C1orf74: variants seen among roughly 807,000 people sequenced by gnomAD.
C1orf74 encodes chromosome 1 open reading frame 74.
Under a neutral mutation model 7.3 loss-of-function variants are expected in C1orf74, and 5 were observed. That is an observed-to-expected ratio of 0.68 (90% CI 0.36 to 1.44). The LOEUF (loss-of-function observed/expected upper bound fraction) is 1.44, where lower values mean the gene tolerates loss of function less well. Among genes scored for constraint, C1orf74 ranks in the 40% most tolerant of loss-of-function variants. C1orf74 has a pLI of 0.04. For missense variants in C1orf74, 291 were observed against 314.3 expected (o/e 0.93, Z 0.56); for synonymous variants, 121 against 132.5 (o/e 0.91, Z 0.59).
rs745833295 is a variant in C1orf74 at position 209,780,455 on chromosome 1, T to C, written c.*2370A>G. On this transcript the variant is annotated 3_prime_UTR_variant, in exon 2 of 2. Transcript: ENST00000294811. ...GTGGGCCTCACTGTCACCAAGAATC[T>C]GGCTGCTTTTTTAGATCAGGCTTTG... The C allele has an allele frequency of 7.1e-6, 11 of 1,543,506 alleles. No individual in the cohort carries two copies. The South Asian group carries it at 1.3e-4, about 18-fold the overall frequency.
In C1orf74 at chr1:209,784,378, G is replaced by C. The variant is rs920895282; in HGVS notation, c.-76C>G. ...TGAGGCATAAGTCTGTCTCACATAC[G>C]TTCTTTTTCCACGTCCGCTACAGGT... On this transcript the variant is annotated splice_region_variant and 5_prime_UTR_variant, in exon 1 of 2. Transcript: ENST00000294811. The C allele has an allele frequency of 6.6e-6, 1 of 152,226 alleles. No individual in the cohort carries two copies. Among genetic ancestry groups the C allele is most frequent in the South Asian group, 2.1e-4 (1 of 4,836 alleles). 9.4% of individuals were successfully genotyped at this position (152,226 alleles called of 1,614,324 possible).
In C1orf74 at chr1:209,780,560, A is replaced by G. The variant is rs769129636; in HGVS notation, c.*2265T>C. The G allele has an allele frequency of 6.2e-7, 1 of 1,600,758 alleles. No homozygotes were observed. The highest frequency in any genetic ancestry group is 8.5e-7 in the Non-Finnish European group (1 of 1,172,914). On this transcript the variant is annotated 3_prime_UTR_variant, in exon 2 of 2. Coordinates refer to ENST00000294811, the MANE Select transcript of C1orf74 (RefSeq NM_152485.4). ...AAGGAGAAAGACTGGGATCTCAGAG[A>G]CCAGCTGCAAAAGAAGACTTTGCAG...
Position 209,782,053 on chromosome 1 carries a change from C to T in C1orf74, c.*772G>A, listed in dbSNP as rs1381185742. The T allele has an allele frequency of 6.2e-7, 1 of 1,613,458 alleles. No homozygotes were observed. The highest frequency in any genetic ancestry group is 8.5e-7 in the Non-Finnish European group (1 of 1,179,378). On this transcript the variant is annotated 3_prime_UTR_variant, in exon 2 of 2. Transcript: ENST00000294811. The stretch of plus-strand genomic sequence containing the variant: ...TTTCTTCTGTCTCCCTGTCCCCCTA[C>T]AGAGGCAATGTGGGCGATGGCTCCC...
Position 209,780,549 on chromosome 1 carries a change from G to C in C1orf74, c.*2276C>G. 6.2e-6 allele frequency: 10 copies of C among 1,601,308 alleles called. No homozygotes were observed. The highest frequency in any genetic ancestry group is 8.5e-6 in the Non-Finnish European group (10 of 1,173,350). ...AGGGTACAGGGAAGGAGAAAGACTG[G>C]GATCTCAGAGACCAGCTGCAAAAGA... On this transcript the variant is annotated 3_prime_UTR_variant, in exon 2 of 2. Coordinates refer to ENST00000294811, the MANE Select transcript of C1orf74 (RefSeq NM_152485.4).
In C1orf74 at chr1:209,781,454, CCA is replaced by C. The variant is rs774329414; in HGVS notation, c.*1369_*1370del. The C allele has an allele frequency of 6.2e-7, 1 of 1,611,682 alleles. No individual in the cohort carries two copies. Among genetic ancestry groups the C allele is most frequent in the Non-Finnish European group, 8.5e-7 (1 of 1,178,124 alleles). ...CTGAACCAGAGCCAGCAGCTGCCTCCCAGAGTAAGAGGGTCTCTCCTTCCCAT... is the reference window on the plus strand; with the variant it reads ...CTGAACCAGAGCCAGCAGCTGCCTCCGAGTAAGAGGGTCTCTCCTTCCCAT... On this transcript the variant is annotated 3_prime_UTR_variant, in exon 2 of 2. Transcript: ENST00000294811.
rs1466714109 is a variant in C1orf74 at position 209,784,369 on chromosome 1, C to G, written c.-76+9G>C. 6.6e-6 allele frequency: 1 copy of G among 152,270 alleles called. No homozygotes were observed. The highest frequency in any genetic ancestry group is 2.4e-5 in the African/African-American group (1 of 41,470). 9.4% of individuals were successfully genotyped at this position (152,270 alleles called of 1,614,324 possible). A position where few individuals can be genotyped will look rare whatever the true frequency, so the allele number is the denominator to read the frequency against. The stretch of plus-strand genomic sequence containing the variant: ...TTTGCTAAATGAGGCATAAGTCTGT[C>G]TCACATACGTTCTTTTTCCACGTCC... On this transcript the variant is annotated intron_variant, in intron 1 of 1. Transcript: ENST00000294811.
rs2077819088 is a variant in C1orf74, at chr1:209,784,407, G to A, written c.-105C>T. On this transcript the variant is annotated 5_prime_UTR_variant, in exon 1 of 2. Transcript: ENST00000294811. ...TTTTTCCACGTCCGCTACAGGTTCG[G>A]GGGCTCAGAAACTTTTTGCGGCTTC... 1.3e-5 allele frequency: 2 copies of A among 152,232 alleles called. No individual in the cohort carries two copies. The highest frequency in any genetic ancestry group is 2.9e-5 in the Non-Finnish European group (2 of 68,054). 9.4% of individuals were successfully genotyped at this position (152,232 alleles called of 1,614,324 possible).
Position 209,782,937 on chromosome 1 carries a change from T to C in C1orf74, c.698A>G (p.Asp233Gly). 1 of 1,614,122 alleles carries C rather than the reference T, an allele frequency of 6.2e-7. No individual in the cohort carries two copies. Among genetic ancestry groups the C allele is most frequent in the South Asian group, 1.1e-5 (1 of 91,082 alleles). ...GTCCTTCTCCCAGGTGTTTAGAATG[T>C]CCCTCAGGCCTGGGAACAAACTCTC... ...VPESLFPGLR[D>G]ILNTWEKDLR... Residue 233 changes from aspartate (D) to glycine (G), a missense_variant, in exon 2 of 2, where the codon GAC becomes GGC. Physicochemically the swap from Asp to Gly is moderately conservative, Grantham distance 94 (BLOSUM62 -1). Transcript: ENST00000294811.
Position 209,782,285 on chromosome 1 carries a change from C to T in C1orf74, c.*540G>A. 1.5e-6 allele frequency: 1 copy of T among 671,982 alleles called. No homozygotes were observed. The highest frequency in any genetic ancestry group is 2.6e-6 in the Non-Finnish European group (1 of 378,966). The allele number at this position is 671,982 out of a possible 1,614,324, so 41.6% of individuals were successfully genotyped here. A position where few individuals can be genotyped will look rare whatever the true frequency, so the allele number is the denominator to read the frequency against. On this transcript the variant is annotated 3_prime_UTR_variant, in exon 2 of 2. Transcript: ENST00000294811. ...GACTTTTTATTAATTTCTTAACCTA[C>T]TGTAAATAAACTTCACCTGACCAGA...
In C1orf74 at chr1:209,781,690, G is replaced by T; in HGVS notation, c.*1135C>A. 1 of 498,426 alleles carries T rather than the reference G, an allele frequency of 2.0e-6. No homozygotes were observed. Among genetic ancestry groups the T allele is most frequent in the Admixed American group, 3.5e-5 (1 of 28,648 alleles). 30.9% of individuals were successfully genotyped at this position (498,426 alleles called of 1,614,324 possible). A position where few individuals can be genotyped will look rare whatever the true frequency, so the allele number is the denominator to read the frequency against. On this transcript the variant is annotated 3_prime_UTR_variant, in exon 2 of 2. Coordinates refer to ENST00000294811, the MANE Select transcript of C1orf74 (RefSeq NM_152485.4). ...TGCCAGAAGGAAAGACTTACTCTTA[G>T]CTAAAGTATGAAAGGGTGTTCTTTT...
At position 209,783,649 on chromosome 1, in the gene C1orf74, T is replaced by G. The variant is rs767160376; in HGVS notation, c.-15A>C. The G allele has an allele frequency of 2.6e-6, 4 of 1,552,500 alleles. No homozygotes were observed. In the South Asian group the frequency reaches 4.9e-5, roughly 19 times the overall value. On this transcript the variant is annotated 5_prime_UTR_variant, in exon 2 of 2. Coordinates refer to ENST00000294811, the MANE Select transcript of C1orf74 (RefSeq NM_152485.4). ...AGAAGCAACATCAAGAATGGCCTCC[T>G]TAGCTAGCCCGAGTTCCCTTCCCTG...
In C1orf74 at chr1:209,783,516, G is replaced by A; in HGVS notation, c.119C>T (p.Ala40Val). 6.2e-7 allele frequency: 1 copy of A among 1,614,184 alleles called. No individual in the cohort carries two copies. Among genetic ancestry groups the A allele is most frequent in the Non-Finnish European group, 8.5e-7 (1 of 1,180,042 alleles). ...SPPQAICLHL[A>V]GEVLAVARGL... ...CCGGGCCACAGCCAGCACCTCTCCA[G>A]CTAAGTGAAGGCAGATGGCTTGGGG... The change falls in exon 2 of 2, where the codon GCT becomes GTT. Residue 40 changes from alanine to valine, a missense_variant. Coordinates refer to ENST00000294811, the MANE Select transcript of C1orf74 (RefSeq NM_152485.4).
In C1orf74 at chr1:209,779,743, A is replaced by G. The variant is rs1175085752; in HGVS notation, c.*3082T>C. Reference sequence around the variant, plus strand: ...CCACATAGCAGTCCAGAGTCAACTCACTGTTAGCCCTAGAGAGTCTACTGT... The same window carrying G: ...CCACATAGCAGTCCAGAGTCAACTCGCTGTTAGCCCTAGAGAGTCTACTGT... On this transcript the variant is annotated 3_prime_UTR_variant, in exon 2 of 2. Transcript: ENST00000294811. 1 of 558,466 alleles carries G rather than the reference A, an allele frequency of 1.8e-6. No homozygotes were observed. The highest frequency in any genetic ancestry group is 1.9e-5 in the African/African-American group (1 of 53,102). The allele number at this position is 558,466 out of a possible 1,614,324, so 34.6% of individuals were successfully genotyped here.
chr1:209,781,389 T>A lies in C1orf74; in HGVS notation c.*1436A>T, dbSNP rs755698673. 2 of 1,613,562 alleles carry A rather than the reference T, an allele frequency of 1.2e-6. No individual in the cohort carries two copies. The highest frequency in any genetic ancestry group is 2.7e-5 in the African/African-American group (2 of 74,912). ...AATTAGACAACCTCAGTGACGAGTA[T>A]CTCTCCTGCCTGCGTAAGCTGCAGC... is the stretch of plus-strand genomic sequence containing the variant. On this transcript the variant is annotated 3_prime_UTR_variant, in exon 2 of 2. Transcript: ENST00000294811.
chr1:209,781,732 G>A lies in C1orf74; in HGVS notation c.*1093C>T. On this transcript the variant is annotated 3_prime_UTR_variant, in exon 2 of 2. Coordinates refer to ENST00000294811, the MANE Select transcript of C1orf74 (RefSeq NM_152485.4). Reference sequence around the variant, plus strand: ...TGTTCTTTTAGCCGATGATAAGCATGGTGGCAAGAACAGAAGGACACAAAA... The same window carrying A: ...TGTTCTTTTAGCCGATGATAAGCATAGTGGCAAGAACAGAAGGACACAAAA... The A allele has an allele frequency of 4.1e-6, 2 of 482,642 alleles. No homozygotes were observed. The allele number at this position is 482,642 out of a possible 1,614,324, so 29.9% of individuals were successfully genotyped here. A position where few individuals can be genotyped will look rare whatever the true frequency, so the allele number is the denominator to read the frequency against.
chr1:209,780,677 A>G lies in C1orf74; in HGVS notation c.*2148T>C. The stretch of plus-strand genomic sequence containing the variant: ...AGAGAAACCTGGGAGGCAGTCAAAA[A>G]GCAGGGATTTCAAAGTTTAAGTTGT... On this transcript the variant is annotated 3_prime_UTR_variant, in exon 2 of 2. Transcript: ENST00000294811. The G allele has an allele frequency of 7.2e-7, 1 of 1,387,500 alleles. No individual in the cohort carries two copies. The highest frequency in any genetic ancestry group is 9.5e-7 in the Non-Finnish European group (1 of 1,049,680). The allele number at this position is 1,387,500 out of a possible 1,614,324, so 85.9% of individuals were successfully genotyped here. A position where few individuals can be genotyped will look rare whatever the true frequency, so the allele number is the denominator to read the frequency against.
At position 209,781,292 on chromosome 1, in the gene C1orf74, G is replaced by A. The variant is rs2077773316; in HGVS notation, c.*1533C>T. 7 of 1,266,680 alleles carry A rather than the reference G, an allele frequency of 5.5e-6. No individual in the cohort carries two copies. Among genetic ancestry groups the A allele is most frequent in the South Asian group, 1.2e-5 (1 of 81,086 alleles). 78.5% of individuals were successfully genotyped at this position (1,266,680 alleles called of 1,614,324 possible). A position where few individuals can be genotyped will look rare whatever the true frequency, so the allele number is the denominator to read the frequency against. ...TACAAAGGGCAGTCTCCCCTGCCTGGGCTCTGTCCTAGACAGAAGTGACAG... is the reference window on the plus strand; with the variant it reads ...TACAAAGGGCAGTCTCCCCTGCCTGAGCTCTGTCCTAGACAGAAGTGACAG... On this transcript the variant is annotated 3_prime_UTR_variant, in exon 2 of 2. Coordinates refer to ENST00000294811, the MANE Select transcript of C1orf74 (RefSeq NM_152485.4).
At position 209,783,140 on chromosome 1, in the gene C1orf74, T is replaced by C. The variant is rs1187085185; in HGVS notation, c.495A>G (p.Ser165=). The C allele has an allele frequency of 6.2e-7, 1 of 1,614,000 alleles. No homozygotes were observed. The highest frequency in any genetic ancestry group is 2.2e-5 in the East Asian group (1 of 44,888). ...CAAATACAGTACACAGATTCCAGTC[T>C]GAGGAATGGAGCCTGCTGTAGGAGA... ...LAVSYSRLHS[S]DWNLCTVFGI... is the part of the protein sequence containing the mutation. The change falls in exon 2 of 2, where the codon TCA becomes TCG. Residue 165 remains serine (S), a synonymous_variant. Coordinates refer to ENST00000294811, the MANE Select transcript of C1orf74 (RefSeq NM_152485.4).
rs1204565302 is a variant in C1orf74 at position 209,782,901 on chromosome 1, C to T, written c.734G>A (p.Arg245Gln). ...AGCAAAGTCATTCTGAGTCCTAAAT[C>T]GGGTTCTGAGGTCCTTCTCCCAGGT... ...LNTWEKDLRT[R>Q]FRTQNDFADL... Residue 245 changes from arginine (R) to glutamine (Q), a missense_variant, in exon 2 of 2, where the codon CGA becomes CAA. Transcript: ENST00000294811. 7 of 1,614,156 alleles carry T rather than the reference C, an allele frequency of 4.3e-6. No homozygotes were observed. In the South Asian group the frequency reaches 4.4e-5, roughly 10 times the overall value.
Sources: gnomAD v4.1 joint callset for allele counts on GRCh38, gnomAD v4.1.1 for gene constraint, MANE v1.5 for transcripts, NCBI Gene and HGNC (gene_info 2026-07-23, HGNC 2026-07-21) for gene names.